The following NYAP2 variants were observed in gnomAD, a reference collection of about 807,000 sequenced individuals.
NYAP2 encodes the protein neuronal tyrosine-phosphorylated phosphoinositide-3-kinase adaptor 2, also known as neuronal tyrosine-phosphorylated phosphoinositide-3-kinase adapter 2.
NYAP2 carries 23 observed loss-of-function variants against 50.4 expected under a neutral mutation model. The ratio of observed to expected loss-of-function variants is 0.46; its 90% confidence interval spans 0.33 to 0.65. The LOEUF is 0.65. NYAP2 is among the 30% of genes least tolerant of loss of function. The pLI is 0.02. For missense variants in NYAP2, 885 were observed against 861.0 expected (o/e 1.03, Z -0.35); for synonymous variants, 394 against 365.2 (o/e 1.08, Z -0.90).
intron 2 of NYAP2, among the ~76,000 whole-genome samples, chr2:225,406,439 T>C (rs909699637): frequency 6.6e-6 from 1 of 151,982 alleles, no homozygotes; most frequent in African/African-American, 2.4e-5. Context: ...TCCACCTAAA[T>C]CAACACTAGT....
At chr2:225,418,262 C>T (rs1695157183) in intron 3 of NYAP2, among the ~76,000 whole-genome samples, 1 of 152,082 alleles carries the variant, frequency 6.6e-6, no homozygotes, top group Admixed American at 6.6e-5. Context: ...TCGAACAGGG[C>T]AGAGCAGGTG....
chr2:225,502,682 T>G (rs1438372599), intron 3 of NYAP2, among the ~76,000 whole-genome samples: 1 of 152,228 alleles, frequency 6.6e-6, no homozygotes, highest in Non-Finnish European at 1.5e-5. Flanking sequence ...TGATGAAGTC[T>G]TACTCATGAT....
intron 5 of NYAP2, among the ~76,000 whole-genome samples, chr2:225,583,378 G>A (rs527681136): frequency 2.0e-5 from 3 of 152,140 alleles, no homozygotes; most frequent in South Asian, 2.1e-4. Context: ...TGCAGATAAC[G>A]CACGGAGTAC....
the NYAP2 span, among the ~76,000 whole-genome samples, chr2:225,684,058 A>G: frequency 6.6e-6 from 1 of 152,118 alleles, no homozygotes; most frequent in Admixed American, 6.6e-5. Context: ...TTTGGAGGAA[A>G]AGGGTCAGGC....
At chr2:225,471,387 C>T (rs575252344) in intron 3 of NYAP2, among the ~76,000 whole-genome samples, 4 of 152,252 alleles carry the variant, frequency 2.6e-5, no homozygotes, top group Non-Finnish European at 5.9e-5. Context: ...ACTATAGTCA[C>T]GAATATTTAA....
At chr2:225,579,079 CAG>C (rs1055968122) in intron 4 of NYAP2, among the ~76,000 whole-genome samples, 1 of 150,132 alleles carries the variant, frequency 6.7e-6, no homozygotes, top group South Asian at 2.1e-4. Context: ...CATGAAGAGA[CAG>C]AGAGAAGAGA....
chr2:225,568,845 C>G (rs1692008499), intron 4 of NYAP2, among the ~76,000 whole-genome samples: 1 of 152,104 alleles, frequency 6.6e-6, no homozygotes, highest in South Asian at 2.1e-4. Flanking sequence ...AAGAAGTCAG[C>G]ATTGTATAGG....
the NYAP2 span, among the ~76,000 whole-genome samples, chr2:225,689,803 A>C: frequency 1.3e-5 from 2 of 152,162 alleles, no homozygotes. Context: ...GGAAAAACCT[A>C]AAGATATGAC....
At chr2:225,460,569 G>A (rs1689813097) in intron 3 of NYAP2, among the ~76,000 whole-genome samples, 1 of 152,038 alleles carries the variant, frequency 6.6e-6, no homozygotes, top group South Asian at 2.1e-4. Context: ...AGAGAGGAGG[G>A]GTTACTTTCC....
chr2:225,477,753 G>A lies in NYAP2; in HGVS notation c.222-35618G>A, dbSNP rs78766758. ...CAGTTTTACACACATAGATACACAC[G>A]CACATATATACACACATATACATAC... On this transcript the variant is annotated intron_variant, in intron 3 of 6. Coordinates refer to ENST00000636099, the Ensembl canonical transcript of NYAP2. 5.7e-3 allele frequency among the ~76,000 whole-genome samples: 873 copies of A among 151,898 alleles called. 15 individuals carry two copies. The highest frequency in any genetic ancestry group is 0.057 in the East Asian group (292 of 5,162).
the NYAP2 span, among the ~76,000 whole-genome samples, chr2:225,679,315 T>C: frequency 6.6e-6 from 1 of 152,208 alleles, no homozygotes; most frequent in South Asian, 2.1e-4. Flanking sequence ...TAATTATATA[T>C]GGTGCAGAGA....
chr2:225,654,662 C>A (rs1239009026), downstream of NYAP2, among the ~76,000 whole-genome samples: 3 of 152,002 alleles, frequency 2.0e-5, no homozygotes, highest in South Asian at 6.2e-4. Context: ...CCACCCTGGG[C>A]AACAGAGTTA....
chr2:225,511,624 C>T (rs1690819959), intron 3 of NYAP2, among the ~76,000 whole-genome samples: 1 of 152,020 alleles, frequency 6.6e-6, no homozygotes, highest in South Asian at 2.1e-4. Flanking sequence ...GGTTGAGTGG[C>T]AAGTTATCAT....
chr2:225,675,211 G>A, the NYAP2 span, among the ~76,000 whole-genome samples: 2 of 151,892 alleles, frequency 1.3e-5, no homozygotes, highest in African/African-American at 2.4e-5. Flanking sequence ...TGCCGATGCC[G>A]AGGCTTGAGG....
At chr2:225,593,266 A>C (rs1323359862) in intron 5 of NYAP2, among the ~76,000 whole-genome samples, 1 of 152,198 alleles carries the variant, frequency 6.6e-6, no homozygotes, top group Non-Finnish European at 1.5e-5. Flanking sequence ...TAGATAAGTC[A>C]GTTTGCCTCT....
At chr2:225,561,495 A>G (rs1691872316) in intron 4 of NYAP2, among the ~76,000 whole-genome samples, 2 of 152,042 alleles carry the variant, frequency 1.3e-5, no homozygotes, top group Admixed American at 6.6e-5. Flanking sequence ...TGTGCCTCAT[A>G]TTTTGAGGCC....
intron 3 of NYAP2, among the ~76,000 whole-genome samples, chr2:225,504,759 C>T (rs1690672789): frequency 6.6e-6 from 1 of 151,956 alleles, no homozygotes; most frequent in East Asian, 1.9e-4. Flanking sequence ...CCTGTAACCC[C>T]AGCACTTTGG....
At chr2:225,463,669 C>T (rs548806758) in intron 3 of NYAP2, among the ~76,000 whole-genome samples, 3 of 152,242 alleles carry the variant, frequency 2.0e-5, no homozygotes, top group Non-Finnish European at 4.4e-5. Context: ...TCGGTCAAAT[C>T]ATTTGGAGTT....
chr2:225,442,414 C>G (rs1377570334), intron 3 of NYAP2, among the ~76,000 whole-genome samples: 3 of 152,080 alleles, frequency 2.0e-5, no homozygotes, highest in African/African-American at 7.2e-5. Context: ...GCTACTTTGA[C>G]TTTTTTTGAA....
Sources: allele counts gnomAD v4.1 joint callset (sites outside exome capture counted in the v4.1 genomes callset), GRCh38; gene constraint gnomAD v4.1.1; transcripts MANE v1.5; gene names NCBI Gene and HGNC (gene_info 2026-07-23, HGNC 2026-07-21).